Variants in PCDHGB5 observed in about 807,000 individuals in gnomAD.
PCDHGB5 encodes the protein protocadherin gamma-B5.
A neutral mutation model predicts 62.9 loss-of-function variants in PCDHGB5; 48 were observed. The ratio of observed to expected loss-of-function variants is 0.76; its 90% CI spans 0.61 to 0.97. The LOEUF (loss-of-function observed/expected upper bound fraction) is 0.97, where lower values mean the gene tolerates loss of function less well. Among genes scored for constraint, PCDHGB5 ranks in the 50% least tolerant of loss-of-function variants. The pLI is 0.00. For missense variants in PCDHGB5, 1,118 were observed against 1,198.6 expected (o/e 0.93, Z 0.99); for synonymous variants, 474 against 511.2 (o/e 0.93, Z 0.98).
chr5:141,437,223 C>G (rs555637738), intron 1 of PCDHGB5, among the ~76,000 whole-genome samples: 1 of 152,198 alleles, frequency 6.6e-6, no homozygotes, highest in Admixed American at 6.5e-5. Context: ...TGATTCCAGT[C>G]ATAAAATTAT....
intron 1 of PCDHGB5, chr5:141,405,384 CA>C: frequency 1.9e-6 from 3 of 1,600,664 alleles, no homozygotes; most frequent in Non-Finnish European, 2.6e-6. Context: ...CCGGTGAGTT[CA>C]TTTTTTTTCT....
chr5:141,501,439 C>G (rs1245306644), intron 2 of PCDHGB5, among the ~76,000 whole-genome samples: 1 of 151,978 alleles, frequency 6.6e-6, no homozygotes, highest in Non-Finnish European at 1.5e-5. Context: ...TCCATTTCTT[C>G]CATTTTTACT....
chr5:141,403,026 AGGCCAG>A, intron 1 of PCDHGB5: 1 of 1,614,074 alleles, frequency 6.2e-7, no homozygotes, highest in Non-Finnish European at 8.5e-7. Context: ...ATGCTATGGG[AGGCCAG>A]GGCCAGTCAG....
intron 2 of PCDHGB5, among the ~76,000 whole-genome samples, chr5:141,495,223 G>T (rs924599140): frequency 6.6e-6 from 1 of 152,208 alleles, no homozygotes; most frequent in South Asian, 2.1e-4. Flanking sequence ...CCTGAGTTGA[G>T]CTGGGCTCCA....
chr5:141,417,939 C>T, intron 1 of PCDHGB5: 1 of 1,612,862 alleles, frequency 6.2e-7, no homozygotes, highest in Non-Finnish European at 8.5e-7. Context: ...TTGTTCTACC[C>T]CACGCTGTGT....
At chr5:141,440,617 C>T (rs1469883341) in intron 1 of PCDHGB5, 1 of 152,168 alleles carries the variant, frequency 6.6e-6, no homozygotes, top group East Asian at 1.9e-4. Context: ...TGCAGAAGAT[C>T]CTGATGTTGA....
rs1021096537 is a variant in PCDHGB5, at chr5:141,511,383, T to C, written c.*210T>C. 2 of 1,155,330 alleles carry C rather than the reference T, an allele frequency of 1.7e-6. No homozygotes were observed. Among genetic ancestry groups the C allele is most frequent in the Non-Finnish European group, 2.4e-6 (2 of 841,000 alleles). The allele number at this position is 1,155,330 out of a possible 1,614,324, so 71.6% of individuals were successfully genotyped here. ...GTTGAATATGCAAAAGCAGTTCCGC[T>C]GGGAACCCCCATCCAATCAACTGCT... is the stretch of plus-strand genomic sequence containing the variant. On this transcript the variant is annotated 3_prime_UTR_variant, in exon 4 of 4. Transcript: ENST00000617380.
intron 1 of PCDHGB5, chr5:141,418,409 G>A (rs2096254230): frequency 6.2e-7 from 1 of 1,613,792 alleles, no homozygotes; most frequent in African/African-American, 1.3e-5. Context: ...GGTGGAGAAA[G>A]ACAATCCTGA....
Position 141,398,497 on chromosome 5 carries a change from G to A in PCDHGB5, c.370G>A (p.Glu124Lys). 1 of 1,570,856 alleles carries A rather than the reference G, an allele frequency of 6.4e-7. No individual in the cohort carries two copies. Among genetic ancestry groups the A allele is most frequent in the Non-Finnish European group, 8.6e-7 (1 of 1,158,440 alleles). ...CTTTTATCACGTGAATGTGGAGATC[G>A]AGGACATTAATGACCACACGCCAAA... ...LNFYHVNVEI[E>K]DINDHTPKFT... Residue 124 changes from glutamate (E) to lysine (K), a missense_variant, in exon 1 of 4, where the codon GAG becomes AAG. Physicochemically the swap from Glu to Lys is moderately conservative, Grantham distance 56. This residue lies in a region of PCDHGB5 where 1,034 missense variants were observed against 1,029.1 expected (regional missense o/e 1.00). Coordinates refer to ENST00000617380, the MANE Select transcript of PCDHGB5 (RefSeq NM_018925.3).
At chr5:141,441,187 AT>A (rs1349788972) in intron 1 of PCDHGB5, 1 of 152,214 alleles carries the variant, frequency 6.6e-6, no homozygotes, top group Non-Finnish European at 1.5e-5. Context: ...TTCCACAATG[AT>A]TCCCAAAGAT....
rs1258238617 is a variant in PCDHGB5, at chr5:141,409,461, T to A, written c.2397+8937T>A. On this transcript the variant is annotated intron_variant, in intron 1 of 3. Coordinates refer to ENST00000617380, the MANE Select transcript of PCDHGB5 (RefSeq NM_018925.3). ...CGAGAGCAGACACCAGAATACAATG[T>A]CACCATCGTAGCCACTGACAGGGGC... The A allele has an allele frequency of 5.0e-6, 8 of 1,613,928 alleles. No homozygotes were observed. In the Admixed American group the frequency reaches 1.3e-4, roughly 27 times the overall value.
In PCDHGB5 at chr5:141,431,746, G is replaced by C. The variant is rs780453684; in HGVS notation, c.2397+31222G>C. 6.2e-7 allele frequency: 1 copy of C among 1,614,062 alleles called. No individual in the cohort carries two copies. Among genetic ancestry groups the C allele is most frequent in the African/African-American group, 1.3e-5 (1 of 74,932 alleles). On this transcript the variant is annotated intron_variant, in intron 1 of 3. Transcript: ENST00000617380. The surrounding 1 kb of genome is among the most constrained non-coding windows in gnomAD (Gnocchi z 4.8). ...CAATGGATAATGCAGGATATTCTGC[G>C]CGAGCCAAAGTCCTGATCACTGTTC... is the stretch of plus-strand genomic sequence containing the variant.
intron 1 of PCDHGB5, chr5:141,421,970 A>G (rs2096615419): frequency 1.2e-6 from 2 of 1,610,810 alleles, no homozygotes; most frequent in Non-Finnish European, 1.7e-6. Context: ...CAGTCCGTAT[A>G]TCGCGTGAGT....
rs139153105 is a variant in PCDHGB5 at position 141,432,400 on chromosome 5, G to T, written c.2397+31876G>T. 3.1e-6 allele frequency: 5 copies of T among 1,614,122 alleles called. No homozygotes were observed. In the African/African-American group the frequency reaches 4.0e-5, roughly 13 times the overall value. ...ACCCGCCCCTCAGCAGCAACGTGTC[G>T]TTGAGCCTGTTCGTGCTGGACCAGA... On this transcript the variant is annotated intron_variant, in intron 1 of 3. Transcript: ENST00000617380. The surrounding 1 kb of genome is among the most constrained non-coding windows in gnomAD (Gnocchi z 6.0).
Position 141,432,028 on chromosome 5 carries a change from C to T in PCDHGB5, c.2397+31504C>T, listed in dbSNP as rs776543767. ...TTCCTAGCTACAACATCACAGTGAC[C>T]GCCACTGACCGGGGAACCCCGCCCC... On this transcript the variant is annotated intron_variant, in intron 1 of 3. Coordinates refer to ENST00000617380, the MANE Select transcript of PCDHGB5 (RefSeq NM_018925.3). The surrounding 1 kb of genome is among the most constrained non-coding windows in gnomAD (Gnocchi z 6.0). The T allele has an allele frequency of 1.1e-5, 18 of 1,614,050 alleles. No individual in the cohort carries two copies. The highest frequency in any genetic ancestry group is 9.9e-5 in the South Asian group (9 of 91,090).
Position 141,409,742 on chromosome 5 carries a change from G to A in PCDHGB5, c.2397+9218G>A, listed in dbSNP as rs763304955. On this transcript the variant is annotated intron_variant, in intron 1 of 3. Coordinates refer to ENST00000617380, the MANE Select transcript of PCDHGB5 (RefSeq NM_018925.3). Reference sequence around the variant, plus strand: ...GTCAGTGAGCGCGCAGAGCGGGGTGGTGTTCGCGCAGCGCGCCTTTGATCA... The same window carrying A: ...GTCAGTGAGCGCGCAGAGCGGGGTGATGTTCGCGCAGCGCGCCTTTGATCA... 4.3e-6 allele frequency: 7 copies of A among 1,612,986 alleles called. No individual in the cohort carries two copies. In the South Asian group the frequency reaches 5.5e-5, roughly 13 times the overall value.
chr5:141,489,983 G>T lies in PCDHGB5; in HGVS notation c.2398-4824G>T. ...CCAACCTTCCAATCCTCAGTTCTACGTGTGGGAATCCCAGAGAATGCACCC... is the reference window on the plus strand; with the variant it reads ...CCAACCTTCCAATCCTCAGTTCTACTTGTGGGAATCCCAGAGAATGCACCC... On this transcript the variant is annotated intron_variant, in intron 1 of 3. Coordinates refer to ENST00000617380, the MANE Select transcript of PCDHGB5 (RefSeq NM_018925.3). The surrounding 1 kb of genome is among the most constrained non-coding windows in gnomAD (Gnocchi z 4.5). The T allele has an allele frequency of 6.2e-7, 1 of 1,614,172 alleles. No homozygotes were observed. Among genetic ancestry groups the T allele is most frequent in the Non-Finnish European group, 8.5e-7 (1 of 1,179,996 alleles).
intron 1 of PCDHGB5, chr5:141,418,598 T>G: frequency 6.2e-7 from 1 of 1,614,010 alleles, no homozygotes; most frequent in Non-Finnish European, 8.5e-7. Flanking sequence ...CCAGGACGTG[T>G]ACAGGGTTAG....
chr5:141,491,136 G>A lies in PCDHGB5; in HGVS notation c.2398-3671G>A, dbSNP rs769904518. On this transcript the variant is annotated intron_variant, in intron 1 of 3. Coordinates refer to ENST00000617380, the MANE Select transcript of PCDHGB5 (RefSeq NM_018925.3). This position sits in a 1 kb window ranked among gnomAD's most constrained non-coding sequence, Gnocchi z 6.9. ...ACACTGGTGAGGTGCGCACAGCCCG[G>A]GCCTTACTGGAGGATGACTCTGACA... The A allele has an allele frequency of 2.4e-5, 38 of 1,614,030 alleles. 1 individual carries two copies. The South Asian group carries it at 4.1e-4, about 17-fold the overall frequency.
Sources: gnomAD v4.1 joint callset for allele counts (sites outside exome capture counted in the v4.1 genomes callset) on GRCh38, gnomAD v4.1.1 for gene constraint, gnomAD v4.1.1 regional missense constraint, Gnocchi (gnomAD v3.1) non-coding constraint, MANE v1.5 for transcripts, NCBI Gene and HGNC (gene_info 2026-07-23, HGNC 2026-07-21) for gene names.